Variants in CAPZB observed in about 807,000 individuals in gnomAD.
CAPZB encodes the protein capping actin protein of muscle Z-line subunit beta.
A neutral mutation model predicts 38.1 loss-of-function variants in CAPZB; 2 were observed. The observed-to-expected ratio is 0.05, with a 90% confidence interval of 0.02 to 0.17. The LOEUF is 0.17. Among genes scored for constraint, CAPZB ranks in the 10% least tolerant of loss-of-function variants. The pLI is 1.00. For missense variants in CAPZB, 161 were observed against 334.2 expected (o/e 0.48, Z 4.04); for synonymous variants, 107 against 127.4 (o/e 0.84, Z 1.08).
At chr1:19,443,926 G>C (rs770033321) in intron 1 of CAPZB, among the ~76,000 whole-genome samples, 7 of 152,190 alleles carry the variant, frequency 4.6e-5, no homozygotes, top group Non-Finnish European at 7.3e-5. Context: ...TGGGTTCATA[G>C]TGCCCCTCTG....
intron 1 of CAPZB, among the ~76,000 whole-genome samples, chr1:19,479,071 ATGGTGGTACGCACC>A (rs2094618119): frequency 2.0e-5 from 3 of 152,110 alleles, no homozygotes. Flanking sequence ...TTAGCTAGGC[ATGGTGGTACGCACC>A]TGTAGTCCCA....
intron 1 of CAPZB, among the ~76,000 whole-genome samples, chr1:19,427,512 G>A (rs1049130665): frequency 9.9e-5 from 15 of 152,188 alleles, no homozygotes; most frequent in Admixed American, 2.6e-4. Context: ...TTTAAACGTC[G>A]AATCTGTTTT....
chr1:19,429,641 G>T (rs1428480487), intron 1 of CAPZB, among the ~76,000 whole-genome samples: 1 of 152,220 alleles, frequency 6.6e-6, no homozygotes, highest in African/African-American at 2.4e-5. Flanking sequence ...CTCTCCCAGA[G>T]AGTAAAGCAC....
In CAPZB at chr1:19,375,808, C is replaced by T. The variant is rs374544927; in HGVS notation, c.329+2732G>A. On this transcript the variant is annotated intron_variant, in intron 4 of 8. Coordinates refer to ENST00000264202, the MANE Select transcript of CAPZB (RefSeq NM_004930.5). ...CTAGCTGTGTTAACCAGCTTGAGTA[C>T]TTATCTGAGCCTCAGCTTCATCAGC... 8.5e-5 allele frequency among the ~76,000 whole-genome samples: 13 copies of T among 152,334 alleles called. 1 individual carries two copies. Among genetic ancestry groups the T allele is most frequent in the Admixed American group, 1.3e-4 (2 of 15,310 alleles).
At chr1:19,440,227 G>A (rs540088133) in intron 1 of CAPZB, among the ~76,000 whole-genome samples, 2 of 152,018 alleles carry the variant, frequency 1.3e-5, no homozygotes, top group Admixed American at 1.3e-4. Flanking sequence ...TTGGAGAGAC[G>A]GGGTTTCACC....
intron 2 of CAPZB, among the ~76,000 whole-genome samples, chr1:19,418,994 G>A (rs2094391252): frequency 6.6e-6 from 1 of 152,158 alleles, no homozygotes; most frequent in Admixed American, 6.5e-5. Flanking sequence ...TGATTCGGCT[G>A]GCCTCTTAGG....
intron 1 of CAPZB, among the ~76,000 whole-genome samples, chr1:19,472,709 A>ATTTTTTTTTTTTTTTTT (rs11334966): frequency 3.3e-5 from 2 of 61,166 alleles, no homozygotes; most frequent in African/African-American, 1.4e-4. Context: ...TTCATTCTTC[A>ATTTTTTTTTTTTTTTTT]TTTTTTTTTT....
At chr1:19,405,648 C>G (rs2094327847) in intron 2 of CAPZB, among the ~76,000 whole-genome samples, 1 of 151,298 alleles carries the variant, frequency 6.6e-6, no homozygotes, top group African/African-American at 2.4e-5. Context: ...GTTGTTTTAG[C>G]TTCCAGTCAA....
chr1:19,339,717 T>C (rs958302000), intron 8 of CAPZB, 100 bp from the exon 9 acceptor site: 25 of 895,050 alleles, frequency 2.8e-5, no homozygotes, highest in Non-Finnish European at 4.7e-5. Flanking sequence ...ATTTGCTGCA[T>C]GGACCCGCTT....
At chr1:19,415,825 C>T (rs550615374) in intron 2 of CAPZB, among the ~76,000 whole-genome samples, 3 of 152,354 alleles carry the variant, frequency 2.0e-5, no homozygotes, top group African/African-American at 7.2e-5. Context: ...AGGCATGGGC[C>T]GCCGCGCCTG....
chr1:19,410,572 T>C (rs548246932), intron 2 of CAPZB, among the ~76,000 whole-genome samples: 32 of 152,196 alleles, frequency 2.1e-4, no homozygotes, highest in East Asian at 1.2e-3. Flanking sequence ...GCCCAGCCGG[T>C]TGAAGGGAGC....
At chr1:19,361,519 C>A (rs1199320618) in intron 4 of CAPZB, among the ~76,000 whole-genome samples, 1 of 152,260 alleles carries the variant, frequency 6.6e-6, no homozygotes, top group Non-Finnish European at 1.5e-5. Flanking sequence ...CGCTCCGGCA[C>A]CTTCAGGAGG....
At chr1:19,370,930 G>A (rs1322870864) in intron 4 of CAPZB, among the ~76,000 whole-genome samples, 1 of 152,212 alleles carries the variant, frequency 6.6e-6, no homozygotes, top group Non-Finnish European at 1.5e-5. Flanking sequence ...GTGTTCATCT[G>A]CTGACTTGTT....
intron 6 of CAPZB, among the ~76,000 whole-genome samples, chr1:19,347,832 G>A (rs765054313): frequency 2.0e-5 from 3 of 152,132 alleles, no homozygotes; most frequent in African/African-American, 7.2e-5. Context: ...CAAGGAAACC[G>A]AAGCTTAAAG....
chr1:19,416,601 A>C (rs12128719), intron 2 of CAPZB, among the ~76,000 whole-genome samples: 1 of 152,142 alleles, frequency 6.6e-6, no homozygotes, highest in Non-Finnish European at 1.5e-5. Flanking sequence ...ATTCTACAGA[A>C]GACAAAGTTA....
intron 1 of CAPZB, among the ~76,000 whole-genome samples, chr1:19,442,578 T>C (rs530428740): frequency 6.6e-6 from 1 of 152,056 alleles, no homozygotes; most frequent in African/African-American, 2.4e-5. Flanking sequence ...ATGAGTCGAA[T>C]GTTTACTGGA....
intron 2 of CAPZB, among the ~76,000 whole-genome samples, chr1:19,396,784 TA>T: frequency 4.9e-5 from 2 of 40,446 alleles, no homozygotes; most frequent in African/African-American, 1.5e-4. Flanking sequence ...CTAATAAAAA[TA>T]CAAAAAAAAA....
rs1422288721 is a variant in CAPZB, at chr1:19,418,151, A to C, written c.93+1510T>G. ...ACTCTGTCACCAAAAAAAAAAAAAA[A>C]AAAAAAAAAAAAAACCACCACACAC... On this transcript the variant is annotated intron_variant, in intron 2 of 8. Transcript: ENST00000264202. Among the ~76,000 whole-genome samples, 7 of 147,178 alleles carry C rather than the reference A, an allele frequency of 4.8e-5. No homozygotes were observed. In the East Asian group the frequency reaches 1.2e-3, roughly 24 times the overall value.
intron 6 of CAPZB, among the ~76,000 whole-genome samples, chr1:19,350,408 C>T (rs1412365629): frequency 6.6e-6 from 1 of 152,266 alleles, no homozygotes; most frequent in Non-Finnish European, 1.5e-5. Flanking sequence ...CCATCCCCAG[C>T]ACTCTTCTGG....
Sources: gnomAD v4.1 joint callset for allele counts (sites outside exome capture counted in the v4.1 genomes callset) on GRCh38, gnomAD v4.1.1 for gene constraint, MANE v1.5 for transcripts, NCBI Gene and HGNC (gene_info 2026-07-23, HGNC 2026-07-21) for gene names.